TAC4: variants seen among roughly 807,000 people sequenced by gnomAD.
The protein encoded by TAC4 is tachykinin-4.
In TAC4, 17 loss-of-function variants were observed where a neutral mutation model predicts 17.7. The ratio of observed to expected loss-of-function variants is 0.96; its 90% CI spans 0.66 to 1.44. The LOEUF is 1.44. Ranked by LOEUF, TAC4 falls within the 40% of genes most tolerant of loss-of-function variation. The pLI, the probability that TAC4 is intolerant of heterozygous loss-of-function variation, is 0.00. For synonymous variants in TAC4, 62 were observed against 52.4 expected (o/e 1.18, Z -0.79); for missense variants, 118 against 125.6 (o/e 0.94, Z 0.29).
At chr17:49,846,711 G>A (rs901619081) in intron 1 of TAC4, among the ~76,000 whole-genome samples, 4 of 152,216 alleles carry the variant, frequency 2.6e-5, no homozygotes, top group Admixed American at 1.3e-4. Flanking sequence ...TGAAAGGAGA[G>A]TAAGGATTAG....
chr17:49,846,551 A>C (rs774874867), intron 1 of TAC4, among the ~76,000 whole-genome samples: 1 of 152,148 alleles, frequency 6.6e-6, no homozygotes, highest in Non-Finnish European at 1.5e-5. Context: ...TGCTGGGATT[A>C]CAGGCATGAG....
chr17:49,838,411 G>C lies in TAC4; in HGVS notation c.*231C>G. The C allele has an allele frequency of 1.6e-6, 1 of 607,004 alleles. No individual in the cohort carries two copies. The allele number at this position is 607,004 out of a possible 1,614,324, so 37.6% of individuals were successfully genotyped here. On this transcript the variant is annotated 3_prime_UTR_variant, in exon 5 of 5. Transcript: ENST00000436235. Reference sequence around the variant, plus strand: ...GATGCCAACTCTGAGTGTGAGGGAGGGCAGAGTCAGTGCAGCTTGCTACGG... The same window carrying C: ...GATGCCAACTCTGAGTGTGAGGGAGCGCAGAGTCAGTGCAGCTTGCTACGG...
intron 2 of TAC4, among the ~76,000 whole-genome samples, chr17:49,842,805 C>A (rs759885464): frequency 3.3e-5 from 5 of 152,218 alleles, no homozygotes; most frequent in Admixed American, 6.5e-5. Flanking sequence ...CTAGAACTTT[C>A]CCCATGCATT....
At chr17:49,844,747 G>C (rs1442250520) in intron 1 of TAC4, among the ~76,000 whole-genome samples, 14 of 152,338 alleles carry the variant, frequency 9.2e-5, no homozygotes, top group Admixed American at 9.1e-4. Flanking sequence ...GACAGAGCAA[G>C]ACTCCATTTC....
rs1273062325 is a variant in TAC4, at chr17:49,839,963, T to C, written c.233-54A>G. The C allele has an allele frequency of 3.8e-6, 6 of 1,582,588 alleles. No homozygotes were observed. In the East Asian group the frequency reaches 1.3e-4, roughly 36 times the overall value. On this transcript the variant is annotated intron_variant, in intron 3 of 4. Coordinates refer to ENST00000436235, the MANE Select transcript of TAC4 (RefSeq NM_001077506.2). Reference sequence around the variant, plus strand: ...GAGAGAGGCAGCAGAGGTAGGCTGTTTTGGGAACCAGGGAAGGACAAAGGA... The same window carrying C: ...GAGAGAGGCAGCAGAGGTAGGCTGTCTTGGGAACCAGGGAAGGACAAAGGA...
At position 49,839,778 on chromosome 17, in the gene TAC4, T is replaced by C. The variant is rs528322323; in HGVS notation, c.292+72A>G. The C allele has an allele frequency of 2.1e-6, 3 of 1,444,814 alleles. No homozygotes were observed. The African/African-American group carries it at 4.2e-5, about 20-fold the overall frequency. 89.5% of individuals were successfully genotyped at this position (1,444,814 alleles called of 1,614,324 possible). On this transcript the variant is annotated intron_variant, in intron 4 of 4. Coordinates refer to ENST00000436235, the MANE Select transcript of TAC4 (RefSeq NM_001077506.2). The stretch of plus-strand genomic sequence containing the variant: ...TCTGTCTAGCTGCCCAGCCCCCATC[T>C]TGCAGACTGGCAGCAAAGTGTCTGG...
chr17:49,840,054 C>A, intron 3 of TAC4, 145 bp from the exon 4 acceptor site: 1 of 666,160 alleles, frequency 1.5e-6, no homozygotes, highest in Middle Eastern at 2.6e-4. Context: ...CTCTGTCATC[C>A]CGAGAGGCGA....
Position 49,848,014 on chromosome 17 carries a change from G to T in TAC4, c.4C>A (p.Leu2Met). The change falls in exon 1 of 5, where the codon CTG (leucine) becomes ATG (methionine). Residue 2 changes from leucine to methionine, a missense_variant. Transcript: ENST00000436235. ...AGGAGAAGCAGGGCGAGGCAAGGCA[G>T]CATGGTGAGCCTGCACTGTCCTGGA... M[L>M]PCLALLLLME... 1 of 1,614,090 alleles carries T rather than the reference G, an allele frequency of 6.2e-7. No homozygotes were observed. The highest frequency in any genetic ancestry group is 1.1e-5 in the South Asian group (1 of 91,082).
chr17:49,839,587 G>A (rs146663245), intron 4 of TAC4, among the ~76,000 whole-genome samples: 5 of 152,230 alleles, frequency 3.3e-5, no homozygotes, highest in Non-Finnish European at 7.3e-5. Flanking sequence ...TGTGGTTTCA[G>A]CTGGCCCTGA....
At chr17:49,842,047 G>GCGCC (rs1297433395) in intron 2 of TAC4, among the ~76,000 whole-genome samples, 1 of 151,092 alleles carries the variant, frequency 6.6e-6, no homozygotes, top group Non-Finnish European at 1.5e-5. Context: ...AGGACTACAG[G>GCGCC]CGCCCGCCAC....
intron 4 of TAC4, 78 bp downstream of exon 4, chr17:49,839,772 C>G: frequency 7.3e-7 from 1 of 1,375,850 alleles, no homozygotes; most frequent in Non-Finnish European, 1.0e-6. Flanking sequence ...CTGCCCAGCC[C>G]CCATCTTGCA....
At chr17:49,847,570 A>G (rs565423122) in intron 1 of TAC4, 1 of 353,076 alleles carries the variant, frequency 2.8e-6, no homozygotes, top group Admixed American at 4.0e-5. Context: ...AGGGGTAGTC[A>G]TGATACCTTC....
rs201071518 is a variant in TAC4 at position 49,844,110 on chromosome 17, C to T, written c.153G>A (p.Thr51=). 1.5e-5 allele frequency: 25 copies of T among 1,613,822 alleles called. No homozygotes were observed. The highest frequency in any genetic ancestry group is 1.6e-4 in the Middle Eastern group (1 of 6,084). The change falls in exon 2 of 5, where the codon ACG becomes ACA. Residue 51 remains threonine (T), a synonymous_variant. Coordinates refer to ENST00000436235, the MANE Select transcript of TAC4 (RefSeq NM_001077506.2). ...SIQLQLQEVK[T]GKASQFFGLM... ...GCCCAAAGAACTGGCTTGCCTTGCC[C>T]GTCTTCACCTCCTGCAGCTGGAGCT...
intron 2 of TAC4, 89 bp from the exon 3 acceptor site, chr17:49,841,673 T>C (rs1368500153): frequency 1.5e-6 from 2 of 1,310,754 alleles, no homozygotes; most frequent in African/African-American, 1.5e-5. Context: ...TCTTTGAGGG[T>C]TGGTGCATTG....
At chr17:49,840,243 G>A (rs938228684) in intron 3 of TAC4, among the ~76,000 whole-genome samples, 2 of 152,170 alleles carry the variant, frequency 1.3e-5, no homozygotes, top group African/African-American at 4.8e-5. Flanking sequence ...CCTGTTGGGG[G>A]GCTTCCAGTC....
chr17:49,840,515 T>C (rs565278797), intron 3 of TAC4, among the ~76,000 whole-genome samples: 37 of 152,274 alleles, frequency 2.4e-4, no homozygotes, highest in East Asian at 7.7e-4. Context: ...TTCTTTCTTT[T>C]TTTTTGAATG....
Position 49,838,413 on chromosome 17 carries a change from C to T in TAC4, c.*229G>A. 1 of 608,372 alleles carries T rather than the reference C, an allele frequency of 1.6e-6. No homozygotes were observed. The highest frequency in any genetic ancestry group is 3.1e-5 in the Admixed American group (1 of 32,278). The allele number at this position is 608,372 out of a possible 1,614,324, so 37.7% of individuals were successfully genotyped here. ...TGCCAACTCTGAGTGTGAGGGAGGG[C>T]AGAGTCAGTGCAGCTTGCTACGGCG... On this transcript the variant is annotated 3_prime_UTR_variant, in exon 5 of 5. Coordinates refer to ENST00000436235, the MANE Select transcript of TAC4 (RefSeq NM_001077506.2).
intron 2 of TAC4, among the ~76,000 whole-genome samples, chr17:49,841,947 A>C (rs1368547787): frequency 8.2e-6 from 1 of 122,126 alleles, no homozygotes; most frequent in East Asian, 2.4e-4. Flanking sequence ...TCTGTCGCCC[A>C]GGCTGGAGTG....
chr17:49,847,275 C>T, intron 1 of TAC4: 1 of 1,283,404 alleles, frequency 7.8e-7, no homozygotes, highest in Non-Finnish European at 1.0e-6. Context: ...GTATCTGTCC[C>T]TTGTCTGATT....
Sources: gnomAD v4.1 joint callset for allele counts (sites outside exome capture counted in the v4.1 genomes callset) on GRCh38, gnomAD v4.1.1 for gene constraint, MANE v1.5 for transcripts, NCBI Gene and HGNC (gene_info 2026-07-23, HGNC 2026-07-21) for gene names.